Variants in MRPS28 observed in about 807,000 individuals in gnomAD.
MRPS28 encodes the protein small ribosomal subunit protein bS1m.
Under a neutral mutation model 10.8 loss-of-function variants are expected in MRPS28, and 7 were observed. The ratio of observed to expected loss-of-function variants is 0.65; its 90% CI spans 0.37 to 1.22. MRPS28 has a LOEUF of 1.22. Among genes scored for constraint, MRPS28 ranks in the 50% most tolerant of loss-of-function variants. MRPS28 has a pLI of 0.02. For synonymous variants in MRPS28, 121 were observed against 93.3 expected, an observed-to-expected ratio of 1.30 and a Z score of -1.71; for missense variants, 265 against 232.9, an observed-to-expected ratio of 1.14 and a Z score of -0.90.
intron 2 of MRPS28, among the ~76,000 whole-genome samples, chr8:79,982,790 G>A (rs61064217): frequency 0.011 from 1,627 of 152,332 alleles, 37 homozygotes; most frequent in African/African-American, 0.037. Context: ...GCCCAACACA[G>A]CTCAAGGAGG....
rs553098623 is a variant in MRPS28, at chr8:80,029,620, T to A, written c.213+416A>T. ...CAAATGTTTATGAAGGGCCTTCTAC[T>A]CCAGACAGCAAGCTCCATGCTAGAG... is the stretch of plus-strand genomic sequence containing the variant. On this transcript the variant is annotated intron_variant, in intron 1 of 2. Transcript: ENST00000276585. 12 of 675,082 alleles carry A rather than the reference T, an allele frequency of 1.8e-5. No homozygotes were observed. The East Asian group carries it at 6.4e-4, about 36-fold the overall frequency. 41.8% of individuals were successfully genotyped at this position (675,082 alleles called of 1,614,324 possible).
Position 79,994,900 on chromosome 8 carries a change from C to G in MRPS28, c.395+8099G>C, listed in dbSNP as rs1320196319. Among the ~76,000 whole-genome samples the G allele has an allele frequency of 3.3e-5, 5 of 152,162 alleles. No individual in the cohort carries two copies. In the East Asian group the frequency reaches 9.6e-4, roughly 29 times the overall value. On this transcript the variant is annotated intron_variant, in intron 2 of 2. Coordinates refer to ENST00000276585, the MANE Select transcript of MRPS28 (RefSeq NM_014018.3). ...TTCCCAGAAGAGGCAGCCTCTCTCT[C>G]ATTTAAAACTTGTTCAAGTGCTGCT...
intron 2 of MRPS28, among the ~76,000 whole-genome samples, chr8:79,932,959 G>A (rs919903727): frequency 3.9e-5 from 6 of 152,190 alleles, no homozygotes; most frequent in Admixed American, 3.9e-4. Flanking sequence ...TGACTGTAAG[G>A]TGGTCTGGGT....
At chr8:79,982,316 A>G (rs1315857999) in intron 2 of MRPS28, among the ~76,000 whole-genome samples, 6 of 152,238 alleles carry the variant, frequency 3.9e-5, no homozygotes, top group Non-Finnish European at 8.8e-5. Context: ...GATCCGGTCT[A>G]CAGCTCCCAG....
At chr8:79,924,759 G>T (rs1436949777) in intron 2 of MRPS28, among the ~76,000 whole-genome samples, 1 of 152,014 alleles carries the variant, frequency 6.6e-6, no homozygotes, top group Non-Finnish European at 1.5e-5. Flanking sequence ...TTTCAGGTTT[G>T]CCCCACTTTT....
chr8:79,931,553 A>G (rs1254373086), intron 2 of MRPS28, among the ~76,000 whole-genome samples: 1 of 152,192 alleles, frequency 6.6e-6, no homozygotes, highest in African/African-American at 2.4e-5. Flanking sequence ...CAGCTCCTCA[A>G]TCATTACCGT....
chr8:79,961,252 T>C (rs1807365301), intron 2 of MRPS28, among the ~76,000 whole-genome samples: 1 of 152,068 alleles, frequency 6.6e-6, no homozygotes, highest in Non-Finnish European at 1.5e-5. Flanking sequence ...ATGCAGGAAA[T>C]TGATTAGTCA....
chr8:79,973,022 T>A (rs1198837551), intron 2 of MRPS28, among the ~76,000 whole-genome samples: 2 of 152,212 alleles, frequency 1.3e-5, no homozygotes, highest in African/African-American at 4.8e-5. Context: ...AGATACAAAA[T>A]TGATAGGTAT....
chr8:80,027,082 ATAAAT>A (rs1340019133), intron 1 of MRPS28, among the ~76,000 whole-genome samples: 2 of 152,216 alleles, frequency 1.3e-5, no homozygotes, highest in African/African-American at 2.4e-5. Context: ...ACACGGTTTG[ATAAAT>A]TAAAGTTCAT....
At position 79,977,815 on chromosome 8, in the gene MRPS28, A is replaced by AAATAATAAT. The variant is rs147911236; in HGVS notation, c.395+25175_395+25183dup. 2.1e-4 allele frequency among the ~76,000 whole-genome samples: 31 copies of AAATAATAAT among 150,582 alleles called. No homozygotes were observed. The East Asian group carries it at 5.8e-3, about 28-fold the overall frequency. The stretch of plus-strand genomic sequence containing the variant: ...CTGGGTGACAGAGTGAGACTGTCTC[A>AAATAATAAT]AATAATAATAATAATAATAATAATA... On this transcript the variant is annotated intron_variant, in intron 2 of 2. Transcript: ENST00000276585.
chr8:80,006,445 A>G (rs1258763963), intron 1 of MRPS28, among the ~76,000 whole-genome samples: 1 of 152,232 alleles, frequency 6.6e-6, no homozygotes, highest in Non-Finnish European at 1.5e-5. Context: ...GGAGACAGAG[A>G]CACAAAAAAA....
At chr8:79,997,196 GA>G (rs1354610054) in intron 2 of MRPS28, among the ~76,000 whole-genome samples, 2 of 152,148 alleles carry the variant, frequency 1.3e-5, no homozygotes, top group Non-Finnish European at 2.9e-5. Flanking sequence ...CCCATGATGG[GA>G]AAAGTGCTCT....
At chr8:79,974,525 A>T (rs1807736779) in intron 2 of MRPS28, among the ~76,000 whole-genome samples, 1 of 152,016 alleles carries the variant, frequency 6.6e-6, no homozygotes, top group Admixed American at 6.6e-5. Flanking sequence ...TGGGCGACAG[A>T]GCGAGACTCT....
intron 2 of MRPS28, among the ~76,000 whole-genome samples, chr8:79,940,742 T>C (rs1487818010): frequency 6.6e-6 from 1 of 152,200 alleles, no homozygotes; most frequent in Non-Finnish European, 1.5e-5. Flanking sequence ...TGGGTGAAAT[T>C]CTACCACCAC....
chr8:79,974,982 C>T (rs1807753962), intron 2 of MRPS28, among the ~76,000 whole-genome samples: 1 of 152,058 alleles, frequency 6.6e-6, no homozygotes, highest in African/African-American at 2.4e-5. Flanking sequence ...AAATAAATTT[C>T]AAGTAATTTC....
chr8:80,013,885 A>G (rs982998274), intron 1 of MRPS28, among the ~76,000 whole-genome samples: 1 of 152,108 alleles, frequency 6.6e-6, no homozygotes, highest in African/African-American at 2.4e-5. Flanking sequence ...TCAAGGTGAT[A>G]AGGTACTTAC....
intron 1 of MRPS28, chr8:80,029,736 C>G: frequency 6.9e-7 from 1 of 1,453,944 alleles, no homozygotes; most frequent in Non-Finnish European, 9.1e-7. Flanking sequence ...AGATCGCCTC[C>G]CCAGCAGCGC....
At chr8:80,028,662 G>GGGGGGGGGGGGGGGGGGGGGGGGGGGA (rs1809558299) in intron 1 of MRPS28, 1 of 47,956 alleles carries the variant, frequency 2.1e-5, no homozygotes, top group Middle Eastern at 7.2e-3. Context: ...GGGGGGCGGG[G>GGGGGGGGGGGGGGGGGGGGGGGGGGGA]CCGGGCGGGG....
chr8:80,004,741 A>C (rs913145575), intron 1 of MRPS28, among the ~76,000 whole-genome samples: 1 of 152,204 alleles, frequency 6.6e-6, no homozygotes, highest in African/African-American at 2.4e-5. Flanking sequence ...ACCTTGAAAA[A>C]AGATTAGACA....
Sources: gnomAD v4.1 joint callset for allele counts (sites outside exome capture counted in the v4.1 genomes callset) on GRCh38, gnomAD v4.1.1 for gene constraint, MANE v1.5 for transcripts, NCBI Gene and HGNC (gene_info 2026-07-23, HGNC 2026-07-21) for gene names.